The following SLC1A7 variants were observed in gnomAD, a reference collection of about 807,000 sequenced individuals.
SLC1A7 encodes solute carrier family 1 member 7, also known as excitatory amino acid transporter 5.
SLC1A7 carries 40 observed loss-of-function variants against 47.7 expected under a neutral mutation model. That is an observed-to-expected ratio of 0.84 (90% confidence interval 0.65 to 1.09). The LOEUF (loss-of-function observed/expected upper bound fraction) is 1.09. Ranked by LOEUF, SLC1A7 falls within the 50% of genes least tolerant of loss-of-function variation. The pLI, the probability that SLC1A7 is intolerant of heterozygous loss-of-function variation, is 0.00. For synonymous variants in SLC1A7, 323 were observed against 325.6 expected (o/e 0.99, Z 0.09); for missense variants, 746 against 769.5 (o/e 0.97, Z 0.36).
chr1:53,105,041 A>G (rs976539327), intron 4 of SLC1A7, among the ~76,000 whole-genome samples: 2 of 152,196 alleles, frequency 1.3e-5, no homozygotes, highest in African/African-American at 4.8e-5. Context: ...ATAACCGGGG[A>G]AAATGCTCAG....
rs1160443699 is a variant in SLC1A7 at position 53,105,741 on chromosome 1, T to C, written c.465A>G (p.Thr155=). 18 of 1,613,138 alleles carry C rather than the reference T, an allele frequency of 1.1e-5. No homozygotes were observed. Among genetic ancestry groups the C allele is most frequent in the Non-Finnish European group, 1.5e-5 (18 of 1,179,240 alleles). The change falls in exon 4 of 11, where the codon ACA becomes ACG. Residue 155 remains threonine (T), a synonymous_variant. Transcript: ENST00000371494. The part of the protein sequence containing the change: ...NMFPANLVEA[T]FKQYRTKTTP... ...CCAGAGACTCACTCACCTGTTTGAA[T>C]GTGGCTTCTACTAGGTTGGCTGGGA...
chr1:53,092,994 C>A (rs1644442602), intron 6 of SLC1A7, among the ~76,000 whole-genome samples: 1 of 152,162 alleles, frequency 6.6e-6, no homozygotes, highest in Non-Finnish European at 1.5e-5. Flanking sequence ...CAACCTCTGC[C>A]ACTCCTTCCC....
At chr1:53,101,689 C>A (rs11206092) in intron 5 of SLC1A7, among the ~76,000 whole-genome samples, 85,669 of 148,648 alleles carry the variant, frequency 0.58, 26,796 homozygotes, top group Non-Finnish European at 0.72. Context: ...CAAACCATGT[C>A]TCGGTACACT....
chr1:53,091,127 C>T (rs1251181110), intron 7 of SLC1A7: 5 of 645,238 alleles, frequency 7.7e-6, no homozygotes, highest in Non-Finnish European at 1.3e-5. Flanking sequence ...GGCTTAGATT[C>T]CAGCCTCCTG....
chr1:53,114,505 C>T, intron 3 of SLC1A7: 1 of 500,922 alleles, frequency 2.0e-6, no homozygotes, highest in Non-Finnish European at 3.6e-6. Flanking sequence ...TCAGCAAATG[C>T]TCACAGATGT....
Position 53,092,733 on chromosome 1 carries a change from G to T in SLC1A7, c.852C>A (p.Asp284Glu), listed in dbSNP as rs145587721. 1 of 1,613,914 alleles carries T rather than the reference G, an allele frequency of 6.2e-7. No homozygotes were observed. Among genetic ancestry groups the T allele is most frequent in the African/African-American group, 1.3e-5 (1 of 74,934 alleles). ...GCTTCTTGCCGACGGCCCTGGGGTC[G>T]TCCATCTCCAGGATCTTACCCGCAA... ...FLIAGKILEMDDPRAVGKKLG... is the reference protein window; with the variant it reads ...FLIAGKILEMEDPRAVGKKLG... Residue 284 changes from aspartate to glutamate, a missense_variant, in exon 7 of 11, where the codon GAC becomes GAA. Coordinates refer to ENST00000371494, the MANE Select transcript of SLC1A7 (RefSeq NM_006671.6).
rs57190665 is a variant in SLC1A7, at chr1:53,102,444, G to T, written c.697+902C>A. ...AGTGTAGCTCGGGGCACTCGGCCTA[G>T]TCTGCGGAGGACTCTCCTGAGGGCA... On this transcript the variant is annotated intron_variant, in intron 5 of 10. Transcript: ENST00000371494. The T allele has an allele frequency of 6.9e-3, 1,047 of 152,162 alleles. 72 individuals are homozygous for T. In the East Asian group the frequency reaches 0.16, roughly 23 times the overall value. 9.4% of individuals were successfully genotyped at this position (152,162 alleles called of 1,614,324 possible).
Position 53,115,162 on chromosome 1 carries a change from G to A in SLC1A7, c.216-189C>T, listed in dbSNP as rs967559316. 114 of 611,508 alleles carry A rather than the reference G, an allele frequency of 1.9e-4. 2 individuals carry two copies. The highest frequency in any genetic ancestry group is 1.7e-3 in the South Asian group (90 of 51,660). 37.9% of individuals were successfully genotyped at this position (611,508 alleles called of 1,614,324 possible). The stretch of plus-strand genomic sequence containing the variant: ...TGCTCTGCCCTCTCCCCCACGCCCC[G>A]GGGCGCAGGCCACACACATCTGTGC... On this transcript the variant is annotated intron_variant, in intron 2 of 10. Transcript: ENST00000371494.
At chr1:53,103,742 G>A in intron 4 of SLC1A7, 174 bp from the exon 5 acceptor site, 1 of 527,722 alleles carries the variant, frequency 1.9e-6, no homozygotes, top group East Asian at 3.2e-5. Context: ...TTTACCCAAA[G>A]AAAGCTGCAA....
At chr1:53,130,809 C>T (rs1644935014) in intron 2 of SLC1A7, among the ~76,000 whole-genome samples, 2 of 152,076 alleles carry the variant, frequency 1.3e-5, no homozygotes, top group Admixed American at 1.3e-4. Context: ...AACAACCTCA[C>T]ACCAGAGTGG....
At chr1:53,108,646 G>A (rs1277519539) in intron 3 of SLC1A7, 11 of 717,546 alleles carry the variant, frequency 1.5e-5, no homozygotes, top group Non-Finnish European at 2.3e-5. Flanking sequence ...TGGAACATGG[G>A]GATAATAGCT....
chr1:53,121,020 G>C (rs1030736405), intron 2 of SLC1A7, among the ~76,000 whole-genome samples: 1 of 152,260 alleles, frequency 6.6e-6, no homozygotes, highest in African/African-American at 2.4e-5. Context: ...TTTGCTGTGA[G>C]GCCAAATCTT....
intron 5 of SLC1A7, among the ~76,000 whole-genome samples, chr1:53,094,138 C>T (rs1336238681): frequency 6.6e-6 from 1 of 152,256 alleles, no homozygotes; most frequent in Non-Finnish European, 1.5e-5. Flanking sequence ...CCTATTACAA[C>T]ATAACTGTCT....
At chr1:53,103,278 G>T in intron 5 of SLC1A7, 68 bp downstream of exon 5, 1 of 1,174,790 alleles carries the variant, frequency 8.5e-7, no homozygotes, top group South Asian at 1.5e-5. Flanking sequence ...AGAGGTGGAG[G>T]AGCAGGCTGC....
At chr1:53,138,332 C>T (rs1050823023) in intron 1 of SLC1A7, among the ~76,000 whole-genome samples, 4 of 152,120 alleles carry the variant, frequency 2.6e-5, no homozygotes, top group African/African-American at 9.7e-5. Context: ...CTATGCTTGC[C>T]TTTCACTTCT....
chr1:53,141,441 C>T (rs754402551), intron 1 of SLC1A7, among the ~76,000 whole-genome samples: 13 of 152,086 alleles, frequency 8.5e-5, no homozygotes, highest in Non-Finnish European at 1.3e-4. Context: ...CTGAATAGAG[C>T]CTTCCTTACC....
intron 2 of SLC1A7, among the ~76,000 whole-genome samples, chr1:53,130,832 G>C (rs1644935358): frequency 6.6e-6 from 1 of 151,990 alleles, no homozygotes. Flanking sequence ...GTTCCTCAAA[G>C]GCAGGGACAC....
chr1:53,112,329 T>A (rs1644708781), intron 3 of SLC1A7, among the ~76,000 whole-genome samples: 1 of 152,124 alleles, frequency 6.6e-6, no homozygotes, highest in Admixed American at 6.5e-5. Flanking sequence ...TCAGCCAGAC[T>A]CCCCTAGACC....
chr1:53,121,448 G>A (rs1486967012), intron 2 of SLC1A7, among the ~76,000 whole-genome samples: 3 of 152,252 alleles, frequency 2.0e-5, no homozygotes, highest in African/African-American at 7.2e-5. Flanking sequence ...TTGGTGAAGG[G>A]ACAAGGAGCT....
Sources: allele counts gnomAD v4.1 joint callset (sites outside exome capture counted in the v4.1 genomes callset), GRCh38; gene constraint gnomAD v4.1.1; transcripts MANE v1.5; gene names NCBI Gene and HGNC (gene_info 2026-07-23, HGNC 2026-07-21).